PCDHA10: variants seen among roughly 807,000 people sequenced by gnomAD.
The protein encoded by PCDHA10 is protocadherin alpha-10.
In PCDHA10, 45 loss-of-function variants were observed where a neutral mutation model predicts 61.2. The observed-to-expected ratio is 0.74, with a 90% CI of 0.58 to 0.94. The LOEUF is 0.94. PCDHA10 is among the 40% of genes least tolerant of loss of function. The pLI is 0.00. For synonymous variants in PCDHA10, 602 were observed against 548.8 expected (o/e 1.10, Z -1.35); for missense variants, 1,278 against 1,236.2 (o/e 1.03, Z -0.51).
chr5:140,889,928 G>A (rs554679699), intron 1 of PCDHA10, among the ~76,000 whole-genome samples: 98 of 152,304 alleles, frequency 6.4e-4, no homozygotes, highest in South Asian at 1.5e-3. Context: ...AGAAGCTCAA[G>A]CTGGACTTGT....
At chr5:140,926,879 C>T (rs1554203752) in intron 1 of PCDHA10, 1 of 1,534,362 alleles carries the variant, frequency 6.5e-7, no homozygotes, top group African/African-American at 1.4e-5. Context: ...GGAACGTGGA[C>T]GCCTAGAGGG....
intron 1 of PCDHA10, chr5:140,871,504 C>CT: frequency 6.3e-7 from 1 of 1,581,824 alleles, no homozygotes; most frequent in South Asian, 1.1e-5. Flanking sequence ...GGTGAGTTTT[C>CT]TACAGATTCC....
At chr5:140,919,593 T>C (rs541275874) in intron 1 of PCDHA10, among the ~76,000 whole-genome samples, 1 of 152,214 alleles carries the variant, frequency 6.6e-6, no homozygotes, top group Non-Finnish European at 1.5e-5. Context: ...TGGTAATTTT[T>C]AAAATAAATT....
chr5:141,006,620 T>C (rs1237251555), intron 3 of PCDHA10, among the ~76,000 whole-genome samples: 3 of 152,148 alleles, frequency 2.0e-5, no homozygotes, highest in Admixed American at 6.5e-5. Context: ...ATAAGGAGAC[T>C]ATTGCTGCAA....
intron 1 of PCDHA10, chr5:140,882,584 C>T (rs1554174685): frequency 1.9e-6 from 3 of 1,614,120 alleles, no homozygotes; most frequent in Admixed American, 1.7e-5. Flanking sequence ...CAGCATCCAC[C>T]TGGAGGTGAT....
At chr5:140,953,620 T>G (rs1207803220) in intron 1 of PCDHA10, among the ~76,000 whole-genome samples, 1 of 152,146 alleles carries the variant, frequency 6.6e-6, no homozygotes, top group Non-Finnish European at 1.5e-5. Context: ...CTTAGATATT[T>G]GCTTTATGTA....
chr5:140,993,033 T>C (rs1315226376), intron 3 of PCDHA10, among the ~76,000 whole-genome samples: 2 of 152,158 alleles, frequency 1.3e-5, no homozygotes, highest in African/African-American at 4.8e-5. Context: ...GTGGGCTCCG[T>C]GTGTCATCAA....
Position 140,857,805 on chromosome 5 carries a change from C to G in PCDHA10, c.1757C>G (p.Ala586Gly). ...VSELVLRSVV[A>G]GHVVAKVRAV... ...GAGCTGGTGCTGCGGTCGGTGGTTG[C>G]GGGTCACGTGGTGGCTAAGGTGCGC... is the stretch of plus-strand genomic sequence containing the variant. The change falls in exon 1 of 4, where the codon GCG (alanine) becomes GGG (glycine). Residue 586 changes from alanine (A) to glycine (G), a missense_variant. Ala to Gly is a moderately conservative substitution (Grantham distance 60, BLOSUM62 0). Transcript: ENST00000307360. 2 of 1,597,714 alleles carry G rather than the reference C, an allele frequency of 1.3e-6. No homozygotes were observed. Among genetic ancestry groups the G allele is most frequent in the Non-Finnish European group, 1.7e-6 (2 of 1,167,586 alleles).
intron 1 of PCDHA10, chr5:140,877,005 C>A (rs1433546348): frequency 6.2e-7 from 1 of 1,612,356 alleles, no homozygotes; most frequent in African/African-American, 1.3e-5. Flanking sequence ...TGTCGGTGCA[C>A]GCGGAGAGCG....
chr5:140,966,435 C>G (rs1554228292), intron 1 of PCDHA10: 5 of 423,758 alleles, frequency 1.2e-5, no homozygotes, highest in African/African-American at 1.0e-4. Context: ...GCCCTCCTAC[C>G]GCTCCCTTTC....
At chr5:140,895,253 CT>C (rs1411327383) in intron 1 of PCDHA10, among the ~76,000 whole-genome samples, 2 of 151,968 alleles carry the variant, frequency 1.3e-5, no homozygotes, top group Non-Finnish European at 2.9e-5. Context: ...TCAAAGCTTT[CT>C]TTTTTTTCTT....
At chr5:140,985,582 C>T (rs2097158950) in intron 3 of PCDHA10, among the ~76,000 whole-genome samples, 1 of 152,116 alleles carries the variant, frequency 6.6e-6, no homozygotes, top group Admixed American at 6.5e-5. Context: ...CCTAAGCCTC[C>T]TTATACTTGC....
At chr5:140,876,131 C>G in intron 1 of PCDHA10, 3 of 1,613,872 alleles carry the variant, frequency 1.9e-6, no homozygotes, top group Non-Finnish European at 2.5e-6. Context: ...GGCGGTAAAC[C>G]AGAACTAACA....
At chr5:140,994,355 G>A (rs2097616615) in intron 3 of PCDHA10, among the ~76,000 whole-genome samples, 2 of 152,240 alleles carry the variant, frequency 1.3e-5, no homozygotes, top group South Asian at 4.1e-4. Flanking sequence ...TGGGACCTCA[G>A]AAGATGGAAT....
intron 1 of PCDHA10, among the ~76,000 whole-genome samples, chr5:140,917,793 G>A (rs1405580492): frequency 6.6e-6 from 1 of 152,082 alleles, no homozygotes; most frequent in African/African-American, 2.4e-5. Flanking sequence ...TTTGGTTACT[G>A]TAGCCTTGCA....
At chr5:140,918,766 C>T (rs1387250517) in intron 1 of PCDHA10, among the ~76,000 whole-genome samples, 2 of 152,170 alleles carry the variant, frequency 1.3e-5, no homozygotes, top group Non-Finnish European at 2.9e-5. Flanking sequence ...GGTGCCTTGC[C>T]TCTTTCACCA....
Position 140,857,909 on chromosome 5 carries a change from T to C in PCDHA10, c.1861T>C (p.Phe621Leu), listed in dbSNP as rs1554150840. 1 of 1,597,744 alleles carries C rather than the reference T, an allele frequency of 6.3e-7. No homozygotes were observed. The highest frequency in any genetic ancestry group is 8.6e-7 in the Non-Finnish European group (1 of 1,167,542). The change falls in exon 1 of 4, where the codon TTT (phenylalanine) becomes CTT (leucine). Residue 621 changes from phenylalanine to leucine, a missense_variant. Coordinates refer to ENST00000307360, the MANE Select transcript of PCDHA10 (RefSeq NM_018901.4). ...GGCGGCGGTTGGTGCACGCATCCCG[T>C]TTCGCGTGGGGCTGTACACGGGCGA... ...QSAAVGARIPFRVGLYTGEIS... is the reference protein window; with the variant it reads ...QSAAVGARIPLRVGLYTGEIS...
chr5:140,928,256 C>G (rs1192362928), intron 1 of PCDHA10: 19 of 1,614,116 alleles, frequency 1.2e-5, no homozygotes, highest in Non-Finnish European at 1.5e-5. Flanking sequence ...CTTTTCGTTG[C>G]TGAAAACAAT....
chr5:140,938,944 A>G (rs551824557), intron 1 of PCDHA10, among the ~76,000 whole-genome samples: 2 of 152,236 alleles, frequency 1.3e-5, no homozygotes, highest in South Asian at 2.1e-4. Context: ...TTCCATTCTT[A>G]TAATGCTCTA....
Sources: gnomAD v4.1 joint callset for allele counts (sites outside exome capture counted in the v4.1 genomes callset) on GRCh38, gnomAD v4.1.1 for gene constraint, MANE v1.5 for transcripts, NCBI Gene and HGNC (gene_info 2026-07-23, HGNC 2026-07-21) for gene names.